Variants in MCCC1 observed in about 807,000 individuals in gnomAD.
The protein encoded by MCCC1 is methylcrotonoyl-CoA carboxylase subunit alpha, mitochondrial.
Under a neutral mutation model 83.8 loss-of-function variants are expected in MCCC1, and 64 were observed. The ratio of observed to expected loss-of-function variants is 0.76; its 90% CI spans 0.62 to 0.94. The LOEUF is 0.94. Among genes scored for constraint, MCCC1 ranks in the 40% least tolerant of loss-of-function variants. The pLI is 0.00. For synonymous variants in MCCC1, 322 were observed against 315.4 expected, an observed-to-expected ratio of 1.02 and a Z score of -0.22; for missense variants, 807 against 904.7, an observed-to-expected ratio of 0.89 and a Z score of 1.39.
At position 183,032,250 on chromosome 3, in the gene MCCC1, G is replaced by T. The variant is rs145055941; in HGVS notation, c.1681+1741C>A. ...GTGAAGAGCCATGCCAAATAACACAGTTGGCCTATATGAATTACAATCAAA... is the reference window on the plus strand; with the variant it reads ...GTGAAGAGCCATGCCAAATAACACATTTGGCCTATATGAATTACAATCAAA... On this transcript the variant is annotated intron_variant, in intron 14 of 18. Transcript: ENST00000265594. Among the ~76,000 whole-genome samples, 40 of 152,220 alleles carry T rather than the reference G, an allele frequency of 2.6e-4. No individual in the cohort carries two copies. The East Asian group carries it at 4.4e-3, about 17-fold the overall frequency.
intron 1 of MCCC1, among the ~76,000 whole-genome samples, chr3:183,108,095 T>C (rs955448935): frequency 1.3e-5 from 2 of 152,192 alleles, no homozygotes; most frequent in Admixed American, 6.5e-5. Context: ...AGCTTGTTTG[T>C]ATTGGCTTAA....
At chr3:183,021,397 A>C (rs984401202) in intron 16 of MCCC1, among the ~76,000 whole-genome samples, 1 of 152,042 alleles carries the variant, frequency 6.6e-6, no homozygotes, top group Non-Finnish European at 1.5e-5. Flanking sequence ...CTAATGTTTA[A>C]AATTTTTTGT....
At chr3:183,033,918 G>A (rs1577258925) in intron 14 of MCCC1, 73 bp downstream of exon 14, 1 of 1,191,558 alleles carries the variant, frequency 8.4e-7, no homozygotes, top group Non-Finnish European at 1.2e-6. Flanking sequence ...TGGCCAGGCT[G>A]GAATCCTCTT....
intron 1 of MCCC1, among the ~76,000 whole-genome samples, chr3:183,114,293 AC>A (rs976558960): frequency 6.6e-6 from 1 of 151,164 alleles, no homozygotes; most frequent in Admixed American, 6.6e-5. Context: ...TTTTAACTAG[AC>A]CCCCCGCCCC....
At chr3:183,073,003 A>G (rs1716811958) in intron 4 of MCCC1, among the ~76,000 whole-genome samples, 1 of 152,232 alleles carries the variant, frequency 6.6e-6, no homozygotes, top group African/African-American at 2.4e-5. Context: ...TTCATGTAAC[A>G]TGTATCAAAA....
At chr3:183,096,739 GCTTTCCCACAC>G (rs1050385187) in intron 1 of MCCC1, among the ~76,000 whole-genome samples, 5 of 152,236 alleles carry the variant, frequency 3.3e-5, no homozygotes, top group African/African-American at 1.2e-4. Context: ...CGAGGCTGCT[GCTTTCCCACAC>G]CTTTCCATTT....
chr3:183,020,887 A>T (rs560118379), intron 16 of MCCC1, among the ~76,000 whole-genome samples: 2 of 151,964 alleles, frequency 1.3e-5, no homozygotes, highest in Non-Finnish European at 2.9e-5. Flanking sequence ...GTGAAACCCC[A>T]TCTCTACTAA....
chr3:183,040,188 C>T (rs1713962357), intron 11 of MCCC1, among the ~76,000 whole-genome samples: 1 of 146,316 alleles, frequency 6.8e-6, no homozygotes, highest in South Asian at 2.2e-4. Flanking sequence ...AGTCTACTAA[C>T]TACCAAATCT....
intron 4 of MCCC1, among the ~76,000 whole-genome samples, chr3:183,085,833 G>C (rs1367365001): frequency 1.3e-5 from 2 of 151,980 alleles, no homozygotes; most frequent in African/African-American, 4.8e-5. Context: ...GTCACTGTAG[G>C]GAAACTTGAA....
At chr3:183,112,836 A>G (rs1030599947) in intron 1 of MCCC1, among the ~76,000 whole-genome samples, 1 of 151,976 alleles carries the variant, frequency 6.6e-6, no homozygotes, top group African/African-American at 2.4e-5. Flanking sequence ...GCCCTTTGGG[A>G]GCTTGGGCAG....
At chr3:183,017,439 T>A (rs1711740599) in intron 17 of MCCC1, 102 bp from the exon 18 acceptor site, 2 of 1,010,036 alleles carry the variant, frequency 2.0e-6, no homozygotes, top group East Asian at 2.4e-5. Context: ...TATATACTCA[T>A]AACATCATGT....
intron 1 of MCCC1, among the ~76,000 whole-genome samples, chr3:183,098,086 C>G (rs1718873392): frequency 6.6e-6 from 1 of 152,136 alleles, no homozygotes; most frequent in African/African-American, 2.4e-5. Context: ...TGTCACCACG[C>G]CCGGCTAAAT....
chr3:183,041,623 T>C lies in MCCC1; in HGVS notation c.1211A>G (p.His404Arg), dbSNP rs1415547580. Residue 404 changes from histidine to arginine, a missense_variant, in exon 11 of 19, where the codon CAC becomes CGC. His to Arg is a conservative substitution (Grantham distance 29). Coordinates refer to ENST00000265594, the MANE Select transcript of MCCC1 (RefSeq NM_020166.5). ...AGGGTCTGCTCGAGGAGTAGAGAGGTGCACTAATGGGCCTGCCACAGGCAT... is the reference window on the plus strand; with the variant it reads ...AGGGTCTGCTCGAGGAGTAGAGAGGCGCACTAATGGGCCTGCCACAGGCAT... ...NFMPVAGPLV[H>R]LSTPRADPST... The C allele has an allele frequency of 4.3e-6, 7 of 1,614,152 alleles. No homozygotes were observed. Among genetic ancestry groups the C allele is most frequent in the African/African-American group, 1.3e-5 (1 of 75,052 alleles).
chr3:183,068,206 C>T (rs183923790), intron 7 of MCCC1, among the ~76,000 whole-genome samples: 2 of 152,332 alleles, frequency 1.3e-5, no homozygotes, highest in East Asian at 1.9e-4. Context: ...ACCTGCTGGG[C>T]TGCATTCCCA....
intron 4 of MCCC1, among the ~76,000 whole-genome samples, chr3:183,080,562 T>G (rs1056187490): frequency 6.6e-6 from 1 of 152,212 alleles, no homozygotes; most frequent in African/African-American, 2.4e-5. Context: ...TTCCAAACTT[T>G]CCCACATTTT....
chr3:183,041,544 C>T (rs375463097), intron 11 of MCCC1, 23 bp downstream of exon 11: 1 of 1,613,630 alleles, frequency 6.2e-7, no homozygotes, highest in African/African-American at 1.3e-5. Flanking sequence ...AAGAGTGAGA[C>T]TTTTCATTTT....
intron 18 of MCCC1, among the ~76,000 whole-genome samples, chr3:183,016,598 T>A (rs1158558372): frequency 6.6e-6 from 1 of 152,150 alleles, no homozygotes; most frequent in Non-Finnish European, 1.5e-5. Context: ...GGGAAGAATT[T>A]TTTCAAATCT....
At chr3:183,051,931 T>C (rs949961968) in intron 9 of MCCC1, among the ~76,000 whole-genome samples, 2 of 152,230 alleles carry the variant, frequency 1.3e-5, no homozygotes, top group African/African-American at 4.8e-5. Flanking sequence ...AAAACTCATA[T>C]AATTAAGACA....
rs1715494676 is a variant in MCCC1 at position 183,057,322 on chromosome 3, C to A, written c.862G>T (p.Glu288Ter). The A allele has an allele frequency of 6.2e-7, 1 of 1,605,334 alleles. No homozygotes were observed. Among genetic ancestry groups the A allele is most frequent in the Non-Finnish European group, 8.5e-7 (1 of 1,174,860 alleles). ...VQRRHQKIIEEAPAPGIKSEV... is the reference protein window; with the variant it reads ...VQRRHQKIIE ...TCCAAGGTCCTTACCGCTGGGGCCT[C>A]CTCAATGATCTTCTGATGTCGCCTC... is the stretch of plus-strand genomic sequence containing the variant. Residue 288 changes from glutamate (E) to a stop codon, truncating the protein, a stop_gained, in exon 8 of 19, where the codon GAG (glutamate) becomes TAG (stop). Transcript: ENST00000265594. LOFTEE classifies it high-confidence loss of function.
Sources: allele counts gnomAD v4.1 joint callset (sites outside exome capture counted in the v4.1 genomes callset), GRCh38; gene constraint gnomAD v4.1.1; transcripts MANE v1.5; gene names NCBI Gene and HGNC (gene_info 2026-07-23, HGNC 2026-07-21).